MISFA: variants seen among roughly 807,000 people sequenced by gnomAD.
The protein encoded by MISFA is mitochondrial sheath formation associated, also known as mitochondrial sheath formation-associated protein.
the MISFA span, chr11:18,603,632 T>C: frequency 2.5e-6 from 1 of 397,088 alleles, no homozygotes; most frequent in Non-Finnish European, 4.4e-6. Flanking sequence ...TCCCCTTGCA[T>C]CCGGGATCAG....
chr11:18,609,462 G>A, the MISFA span: 1 of 181,108 alleles, frequency 5.5e-6, no homozygotes, highest in Non-Finnish European at 1.2e-5. Flanking sequence ...ATTGGGAGCA[G>A]GGCAGTGCCC....
the MISFA span, among the ~76,000 whole-genome samples, chr11:18,606,106 T>C: frequency 6.6e-5 from 10 of 152,144 alleles, no homozygotes; most frequent in Admixed American, 4.6e-4. Context: ...TCCATTTGAG[T>C]AAACTTCCAA....
At chr11:18,600,502 TG>T in the MISFA span, among the ~76,000 whole-genome samples, 5 of 123,850 alleles carry the variant, frequency 4.0e-5, no homozygotes, top group South Asian at 2.7e-4. Context: ...CACGCCTGGC[TG>T]GGGACATCCT....
At chr11:18,603,103 A>G in the MISFA span, 4 of 398,964 alleles carry the variant, frequency 1.0e-5, no homozygotes, top group African/African-American at 2.1e-5. Context: ...GTACACCACC[A>G]GCTGAGAAAG....
chr11:18,600,195 TTTATTTA>T, the MISFA span, among the ~76,000 whole-genome samples: 1 of 152,052 alleles, frequency 6.6e-6, no homozygotes, highest in African/African-American at 2.4e-5. Flanking sequence ...TTTTTTATTT[TTTATTTA>T]TTATTATTAT....
the MISFA span, chr11:18,601,557 G>A: frequency 2.5e-6 from 1 of 396,458 alleles, no homozygotes. Flanking sequence ...TCAGGCACAT[G>A]CCACCATGCC....
At chr11:18,602,884 C>T in the MISFA span, 1 of 363,662 alleles carries the variant, frequency 2.7e-6, no homozygotes, top group Non-Finnish European at 4.9e-6. Flanking sequence ...GGTGCTCATG[C>T]TGACTGGGTT....
chr11:18,603,606 C>T, the MISFA span, among the ~76,000 whole-genome samples: 3 of 152,224 alleles, frequency 2.0e-5, no homozygotes, highest in African/African-American at 7.2e-5. Flanking sequence ...CTCTTGTCAG[C>T]TCCCCAGTGC....
At chr11:18,603,158 G>C in the MISFA span, 1 of 399,028 alleles carries the variant, frequency 2.5e-6, no homozygotes, top group East Asian at 3.6e-5. Context: ...CTCATTGCAG[G>C]AACCATGTGG....
chr11:18,605,010 A>G, the MISFA span, among the ~76,000 whole-genome samples: 1 of 152,180 alleles, frequency 6.6e-6, no homozygotes, highest in Admixed American at 6.5e-5. Flanking sequence ...TGGGAGGCCG[A>G]GGCAGGCGGA....
the MISFA span, chr11:18,603,650 A>G: frequency 2.5e-6 from 1 of 397,534 alleles, no homozygotes; most frequent in Non-Finnish European, 4.4e-6. Flanking sequence ...CAGAGGCATT[A>G]GGTGAGACAG....
the MISFA span, chr11:18,601,542 G>C: frequency 4.6e-5 from 18 of 395,554 alleles, no homozygotes; most frequent in Non-Finnish European, 7.1e-5. Context: ...TTGGGTAGCT[G>C]ATCCTCAGGC....
chr11:18,606,897 G>A, the MISFA span: 1 of 339,546 alleles, frequency 2.9e-6, no homozygotes, highest in South Asian at 2.3e-5. Flanking sequence ...GTCTCGCTCT[G>A]TCACCCAGCC....
At chr11:18,603,059 A>G in the MISFA span, 129 of 398,800 alleles carry the variant, frequency 3.2e-4, 1 homozygote, top group African/African-American at 2.3e-3. Context: ...GGAATAGAAC[A>G]CTGCACCTTC....
chr11:18,609,832 C>A, the MISFA span: 1 of 1,608,686 alleles, frequency 6.2e-7, no homozygotes, highest in Non-Finnish European at 8.5e-7. Context: ...CAGAGCAGCT[C>A]TAGAATTTCA....
the MISFA span, chr11:18,599,809 C>G: frequency 5.1e-6 from 2 of 393,916 alleles, no homozygotes; most frequent in Non-Finnish European, 9.0e-6. Context: ...GCCAAAGACT[C>G]GAACAGACAT....
the MISFA span, among the ~76,000 whole-genome samples, chr11:18,605,898 G>A: frequency 1.3e-5 from 2 of 152,156 alleles, no homozygotes; most frequent in African/African-American, 2.4e-5. Flanking sequence ...GGCTGGTCTC[G>A]AACTCCCAGC....
the MISFA span, chr11:18,600,122 G>A: frequency 2.5e-6 from 1 of 397,542 alleles, no homozygotes; most frequent in Non-Finnish European, 4.4e-6. Flanking sequence ...AAGTCAGAAT[G>A]TGATGGGAAC....
At chr11:18,604,991 C>T in the MISFA span, among the ~76,000 whole-genome samples, 1 of 152,020 alleles carries the variant, frequency 6.6e-6, no homozygotes, top group Non-Finnish European at 1.5e-5. Context: ...ACCTGTAATC[C>T]CAGCACTTTG....
Sources: gnomAD v4.1 joint callset for allele counts (sites outside exome capture counted in the v4.1 genomes callset) on GRCh38, gnomAD v4.1.1 for gene constraint, MANE v1.5 for transcripts, NCBI Gene and HGNC (gene_info 2026-07-23, HGNC 2026-07-21) for gene names.